Variants in GARNL3 observed in about 807,000 individuals in gnomAD.
GARNL3 encodes the protein GTPase activating Rap/RanGAP domain like 3, also known as GTPase-activating Rap/Ran-GAP domain-like protein 3.
Under a neutral mutation model 125.0 loss-of-function variants are expected in GARNL3, and 63 were observed. The ratio of observed to expected loss-of-function variants is 0.50; its 90% CI spans 0.41 to 0.62. The LOEUF is 0.62. Among genes scored for constraint, GARNL3 ranks in the 20% least tolerant of loss-of-function variants. GARNL3 has a pLI of 0.00. For synonymous variants in GARNL3, 439 were observed against 457.5 expected, an observed-to-expected ratio of 0.96 and a Z score of 0.52; for missense variants, 994 against 1,244.0, an observed-to-expected ratio of 0.80 and a Z score of 3.02.
intron 2 of GARNL3, among the ~76,000 whole-genome samples, chr9:127,293,688 GT>G: frequency 6.6e-6 from 1 of 151,926 alleles, no homozygotes; most frequent in Non-Finnish European, 1.5e-5. Flanking sequence ...TTGTTTCATT[GT>G]TTTCCTCTGG....
intron 1 of GARNL3, among the ~76,000 whole-genome samples, chr9:127,230,698 A>C (rs1367567241): frequency 5.3e-5 from 8 of 150,672 alleles, no homozygotes; most frequent in Admixed American, 2.7e-4. Flanking sequence ...ATTCTTCTCA[A>C]CCTTTTCCTC....
chr9:127,253,524 C>T (rs574838346), intron 2 of GARNL3, among the ~76,000 whole-genome samples: 41 of 152,230 alleles, frequency 2.7e-4, no homozygotes, highest in African/African-American at 8.9e-4. Flanking sequence ...GGTGGGGAGG[C>T]GGTTGTTAAT....
intron 21 of GARNL3, chr9:127,365,013 C>A: frequency 2.6e-6 from 1 of 382,404 alleles, no homozygotes; most frequent in Non-Finnish European, 4.7e-6. Context: ...AGGAGACATA[C>A]CAAACACAGA....
intron 1 of GARNL3, among the ~76,000 whole-genome samples, chr9:127,277,069 G>A (rs1445310860): frequency 1.3e-5 from 2 of 152,196 alleles, no homozygotes; most frequent in Non-Finnish European, 2.9e-5. Flanking sequence ...TGCTGTTACA[G>A]GCTGCTCCAG....
chr9:127,332,226 C>T lies in GARNL3; in HGVS notation c.595-48C>T, dbSNP rs184983777. 1.5e-4 allele frequency: 204 copies of T among 1,385,824 alleles called. No individual in the cohort carries two copies. The Admixed American group carries it at 2.2e-3, about 15-fold the overall frequency. 85.8% of individuals were successfully genotyped at this position (1,385,824 alleles called of 1,614,324 possible). On this transcript the variant is annotated intron_variant, in intron 7 of 27. Coordinates refer to ENST00000373387, the MANE Select transcript of GARNL3 (RefSeq NM_032293.5). ...GAACAGCCCATCTCAAAACTATATA[C>T]GCTGTGATGATAAAATTAACTGTAA...
At chr9:127,284,759 G>A (rs969540625) in intron 1 of GARNL3, among the ~76,000 whole-genome samples, 1 of 148,172 alleles carries the variant, frequency 6.7e-6, no homozygotes, top group Non-Finnish European at 1.5e-5. Context: ...ATAAATATAT[G>A]CATATAAATA....
intron 1 of GARNL3, among the ~76,000 whole-genome samples, chr9:127,284,906 T>C (rs772843582): frequency 6.6e-6 from 1 of 152,038 alleles, no homozygotes; most frequent in Non-Finnish European, 1.5e-5. Flanking sequence ...TATTGATAGG[T>C]GTGATCATGG....
At chr9:127,230,737 T>G (rs2062985718) in intron 1 of GARNL3, among the ~76,000 whole-genome samples, 1 of 151,866 alleles carries the variant, frequency 6.6e-6, no homozygotes, top group Non-Finnish European at 1.5e-5. Flanking sequence ...TTCGGCTTTG[T>G]CTATTCAGTT....
intron 22 of GARNL3, 116 bp downstream of exon 22, chr9:127,365,482 A>C (rs1831237094): frequency 1.2e-6 from 1 of 852,894 alleles, no homozygotes; most frequent in Admixed American, 2.1e-5. Flanking sequence ...CTGGGTTTGT[A>C]ATTGCCTTCC....
In GARNL3 at chr9:127,354,024, G is replaced by A. The variant is rs1377395973; in HGVS notation, c.1642+80G>A. 4 of 926,320 alleles carry A rather than the reference G, an allele frequency of 4.3e-6. No homozygotes were observed. In the Admixed American group the frequency reaches 7.7e-5, roughly 18 times the overall value. 57.4% of individuals were successfully genotyped at this position (926,320 alleles called of 1,614,324 possible). A position where few individuals can be genotyped will look rare whatever the true frequency, so the allele number is the denominator to read the frequency against. On this transcript the variant is annotated intron_variant, in intron 18 of 27. Coordinates refer to ENST00000373387, the MANE Select transcript of GARNL3 (RefSeq NM_032293.5). ...GCGGCCCACACCACAGGTCGCCAGGGTCTGACTGCATAAGTTCTGCCAGCT... is the reference window on the plus strand; with the variant it reads ...GCGGCCCACACCACAGGTCGCCAGGATCTGACTGCATAAGTTCTGCCAGCT...
chr9:127,357,736 G>A (rs975490331), intron 21 of GARNL3, among the ~76,000 whole-genome samples: 13 of 151,808 alleles, frequency 8.6e-5, no homozygotes, highest in Non-Finnish European at 1.5e-4. Flanking sequence ...CCAGGAGTTC[G>A]AGACTGGTCT....
intron 1 of GARNL3, among the ~76,000 whole-genome samples, chr9:127,290,738 G>A (rs941659581): frequency 6.6e-6 from 1 of 152,180 alleles, no homozygotes; most frequent in African/African-American, 2.4e-5. Flanking sequence ...AAGCACAGGC[G>A]CTTTCTCCGA....
At chr9:127,387,048 C>G (rs1832576886) in intron 24 of GARNL3, 145 bp from the exon 25 acceptor site, 1 of 736,718 alleles carries the variant, frequency 1.4e-6, no homozygotes, top group Non-Finnish European at 2.1e-6. Flanking sequence ...AAGGCTCTCT[C>G]CATCCCTCGC....
upstream of GARNL3, chr9:127,264,025 G>C: frequency 7.2e-7 from 1 of 1,380,588 alleles, no homozygotes; most frequent in South Asian, 1.3e-5. Flanking sequence ...TTCTTTGCAT[G>C]TTAGATCCCA....
At chr9:127,361,990 A>G (rs1831025687) in intron 21 of GARNL3, 1 of 151,094 alleles carries the variant, frequency 6.6e-6, no homozygotes, top group African/African-American at 2.4e-5. Context: ...CCATCACTGA[A>G]TGGCCACCTC....
intron 1 of GARNL3, among the ~76,000 whole-genome samples, chr9:127,278,215 C>T (rs1056006575): frequency 9.2e-5 from 14 of 152,290 alleles, no homozygotes; most frequent in Admixed American, 2.6e-4. Context: ...TGTAATCCTA[C>T]AAATAATCAC....
At chr9:127,376,164 C>T (rs1831893274) in intron 22 of GARNL3, among the ~76,000 whole-genome samples, 1 of 152,088 alleles carries the variant, frequency 6.6e-6, no homozygotes, top group African/African-American at 2.4e-5. Flanking sequence ...TTCACCATGT[C>T]AGCCAGGCTG....
rs1220597399 is a variant in GARNL3 at position 127,387,205 on chromosome 9, T to C, written c.2401T>C (p.Phe801Leu). Residue 801 changes from phenylalanine to leucine, a missense_variant, in exon 25 of 28, where the codon TTC becomes CTC. Phe to Leu is a conservative substitution (Grantham distance 22). Coordinates refer to ENST00000373387, the MANE Select transcript of GARNL3 (RefSeq NM_032293.5). ...TCTTCCTTTCTAGTCGGATATATACTTCACAGCAACTGCAGCTGTGAATGA... is the reference window on the plus strand; with the variant it reads ...TCTTCCTTTCTAGTCGGATATATACCTCACAGCAACTGCAGCTGTGAATGA... ...QLVASRSDIY[F>L]TATAAVNEVS... is the part of the protein sequence containing the mutation. 1 of 1,613,550 alleles carries C rather than the reference T, an allele frequency of 6.2e-7. No homozygotes were observed. Among genetic ancestry groups the C allele is most frequent in the Non-Finnish European group, 8.5e-7 (1 of 1,179,802 alleles).
chr9:127,333,862 T>C (rs1829402564), intron 9 of GARNL3, among the ~76,000 whole-genome samples: 1 of 152,046 alleles, frequency 6.6e-6, no homozygotes, highest in Non-Finnish European at 1.5e-5. Context: ...TCTCTGTCAT[T>C]AAGGGGTTTC....
Sources: allele counts gnomAD v4.1 joint callset (sites outside exome capture counted in the v4.1 genomes callset), GRCh38; gene constraint gnomAD v4.1.1; transcripts MANE v1.5; gene names NCBI Gene and HGNC (gene_info 2026-07-23, HGNC 2026-07-21).